The following NR2F1-AS1 variants were observed in gnomAD, a reference collection of about 807,000 sequenced individuals.
The protein encoded by NR2F1-AS1 is NR2F1 antisense RNA 1.
intron 4 of NR2F1-AS1, among the ~76,000 whole-genome samples, chr5:93,427,217 T>G (rs532973187): frequency 6.6e-6 from 1 of 152,286 alleles, no homozygotes; most frequent in Non-Finnish European, 1.5e-5. Flanking sequence ...AAACACACAA[T>G]TATAAACTTT....
chr5:93,556,212 G>A (rs957764212), intron 2 of NR2F1-AS1, among the ~76,000 whole-genome samples: 4 of 152,046 alleles, frequency 2.6e-5, no homozygotes, highest in African/African-American at 9.7e-5. Context: ...CGCATTACCT[G>A]CTCCATACAT....
intron 4 of NR2F1-AS1, among the ~76,000 whole-genome samples, chr5:93,540,561 C>A (rs930652250): frequency 2.0e-5 from 3 of 152,140 alleles, no homozygotes; most frequent in African/African-American, 7.2e-5. Flanking sequence ...TGCTTTGAAG[C>A]CTTCAGTGTT....
chr5:93,562,195 A>AAAAAAAGAAAATAAAAG (rs755007063), intron 2 of NR2F1-AS1, among the ~76,000 whole-genome samples: 1 of 136,664 alleles, frequency 7.3e-6, no homozygotes. Flanking sequence ...AAAAAAAAAA[A>AAAAAAAGAAAATAAAAG]AAAAGAAAAG....
At chr5:93,513,762 T>A (rs1751347882) in intron 4 of NR2F1-AS1, among the ~76,000 whole-genome samples, 1 of 152,050 alleles carries the variant, frequency 6.6e-6, no homozygotes, top group African/African-American at 2.4e-5. Context: ...CATCATGCAA[T>A]AAACCCAGGT....
upstream of NR2F1-AS1, among the ~76,000 whole-genome samples, chr5:93,581,888 GTCTC>G (rs533242602): frequency 3.6e-3 from 63 of 17,510 alleles, no homozygotes; most frequent in Admixed American, 0.013. Context: ...CTCTCTCTCG[GTCTC>G]TCTCTCTCTC....
At chr5:93,409,386 G>A (rs1010574936) in intron 4 of NR2F1-AS1, 5 of 152,142 alleles carry the variant, frequency 3.3e-5, no homozygotes, top group Non-Finnish European at 5.9e-5. Flanking sequence ...ATTTGGATAC[G>A]TTCCAAGTAG....
chr5:93,470,518 C>CTATA (rs994467662), intron 4 of NR2F1-AS1, among the ~76,000 whole-genome samples: 2 of 149,918 alleles, frequency 1.3e-5, no homozygotes, highest in African/African-American at 4.9e-5. Context: ...AGTAGCATAT[C>CTATA]TATATATATA....
chr5:93,432,019 A>G (rs1749336154), intron 4 of NR2F1-AS1, among the ~76,000 whole-genome samples: 2 of 152,146 alleles, frequency 1.3e-5, no homozygotes, highest in Non-Finnish European at 2.9e-5. Flanking sequence ...CCAAAATTTG[A>G]TTGCTGTTAA....
chr5:93,535,822 A>G (rs1751827071), intron 4 of NR2F1-AS1, among the ~76,000 whole-genome samples: 1 of 152,178 alleles, frequency 6.6e-6, no homozygotes, highest in Admixed American at 6.5e-5. Context: ...TTAAATATAC[A>G]AGACACTTAA....
intron 4 of NR2F1-AS1, among the ~76,000 whole-genome samples, chr5:93,493,977 A>C (rs1215030244): frequency 6.6e-6 from 1 of 152,198 alleles, no homozygotes; most frequent in Non-Finnish European, 1.5e-5. Flanking sequence ...TGAGCAATAA[A>C]AGTAAAAACA....
chr5:93,502,245 G>A (rs1751096168), intron 4 of NR2F1-AS1, among the ~76,000 whole-genome samples: 1 of 152,142 alleles, frequency 6.6e-6, no homozygotes, highest in Non-Finnish European at 1.5e-5. Flanking sequence ...GTCTGGAGCT[G>A]AACTTGCAAT....
At chr5:93,493,455 A>C (rs568842658) in intron 4 of NR2F1-AS1, among the ~76,000 whole-genome samples, 77 of 152,252 alleles carry the variant, frequency 5.1e-4, no homozygotes, top group South Asian at 2.1e-4. Context: ...TGTAAGACTT[A>C]ATATTGTTCA....
intron 4 of NR2F1-AS1, among the ~76,000 whole-genome samples, chr5:93,477,464 A>G (rs1469750300): frequency 3.3e-5 from 5 of 152,230 alleles, no homozygotes; most frequent in Non-Finnish European, 7.3e-5. Context: ...TAATATTTTG[A>G]TAAGCATTCC....
chr5:93,450,334 A>G (rs2149857112), intron 4 of NR2F1-AS1, among the ~76,000 whole-genome samples: 1 of 152,272 alleles, frequency 6.6e-6, no homozygotes, highest in African/African-American at 2.4e-5. Context: ...TTATTTTATA[A>G]GAGTTTAGTT....
chr5:93,420,116 C>T (rs1401480111), intron 4 of NR2F1-AS1, among the ~76,000 whole-genome samples: 3 of 152,100 alleles, frequency 2.0e-5, no homozygotes, highest in Non-Finnish European at 4.4e-5. Context: ...ATCACTTGAA[C>T]CCAAGAGGCG....
intron 4 of NR2F1-AS1, among the ~76,000 whole-genome samples, chr5:93,460,196 G>C (rs992910625): frequency 2.6e-5 from 4 of 152,148 alleles, no homozygotes; most frequent in Admixed American, 2.6e-4. Flanking sequence ...CATTATTCTT[G>C]CAAGAGAACA....
intron 4 of NR2F1-AS1, among the ~76,000 whole-genome samples, chr5:93,493,303 AT>A (rs879832718): frequency 6.6e-5 from 10 of 152,072 alleles, no homozygotes; most frequent in Admixed American, 1.3e-4. Context: ...ACCCAAAAGA[AT>A]AAAATACCCA....
At chr5:93,425,705 C>A (rs1197870471) in intron 4 of NR2F1-AS1, among the ~76,000 whole-genome samples, 1 of 152,150 alleles carries the variant, frequency 6.6e-6, no homozygotes, top group African/African-American at 2.4e-5. Context: ...TCAAATATAG[C>A]ATTCCCTGAC....
At chr5:93,440,581 C>T (rs186160316) in intron 4 of NR2F1-AS1, among the ~76,000 whole-genome samples, 10 of 152,318 alleles carry the variant, frequency 6.6e-5, no homozygotes, top group Admixed American at 3.3e-4. Flanking sequence ...AACTATACCA[C>T]GAGCTCTCCC....
Sources: gnomAD v4.1 joint callset for allele counts (sites outside exome capture counted in the v4.1 genomes callset) on GRCh38, gnomAD v4.1.1 for gene constraint, MANE v1.5 for transcripts, NCBI Gene and HGNC (gene_info 2026-07-23, HGNC 2026-07-21) for gene names.